NPHP4: variants seen among roughly 807,000 people sequenced by gnomAD.
The protein encoded by NPHP4 is nephrocystin-4.
A neutral mutation model predicts 155.8 loss-of-function variants in NPHP4; 151 were observed. The observed-to-expected ratio is 0.97, with a 90% CI of 0.85 to 1.11. The LOEUF (loss-of-function observed/expected upper bound fraction) is 1.11, where lower values mean the gene tolerates loss of function less well. Ranked by LOEUF, NPHP4 falls within the 50% of genes least tolerant of loss-of-function variation. The pLI is 0.00. For synonymous variants in NPHP4, 845 were observed against 816.8 expected (o/e 1.03, Z -0.59); for missense variants, 1,956 against 1,925.7 (o/e 1.02, Z -0.29).
At chr1:5,893,186 C>T (rs759459388) in intron 16 of NPHP4, among the ~76,000 whole-genome samples, 14 of 152,084 alleles carry the variant, frequency 9.2e-5, no homozygotes, top group Non-Finnish European at 1.6e-4. Context: ...CTCACAGGGT[C>T]GGTGGGTCTC....
chr1:5,873,054 A>G (rs1642169960), intron 23 of NPHP4, among the ~76,000 whole-genome samples, 198 bp downstream of exon 23: 1 of 152,092 alleles, frequency 6.6e-6, no homozygotes, highest in African/African-American at 2.4e-5. Flanking sequence ...ACCAGATACC[A>G]TGCAGGCTGT....
chr1:5,985,860 T>C (rs776821683), intron 2 of NPHP4, among the ~76,000 whole-genome samples: 11 of 152,236 alleles, frequency 7.2e-5, no homozygotes, highest in Non-Finnish European at 1.3e-4. Context: ...TAACCTACTG[T>C]ACATCAGAGC....
intron 3 of NPHP4, among the ~76,000 whole-genome samples, chr1:5,975,008 T>G (rs1218145104): frequency 6.6e-6 from 1 of 152,154 alleles, no homozygotes; most frequent in Non-Finnish European, 1.5e-5. Context: ...CTCTGCCAAG[T>G]CTCAGAATCA....
intron 3 of NPHP4, among the ~76,000 whole-genome samples, chr1:5,975,809 A>G (rs1312259650): frequency 3.3e-5 from 5 of 152,244 alleles, no homozygotes; most frequent in Non-Finnish European, 5.9e-5. Context: ...GTGCATGAAC[A>G]TAATCCCGAG....
chr1:5,914,640 G>A (rs973572276), intron 11 of NPHP4, among the ~76,000 whole-genome samples: 6 of 152,192 alleles, frequency 3.9e-5, no homozygotes, highest in Non-Finnish European at 7.3e-5. Context: ...ACTTTCCCAC[G>A]TCCATAGATT....
In NPHP4 at chr1:5,964,938, TATA is replaced by T. The variant is rs199693251; in HGVS notation, c.517+2358_517+2360del. On this transcript the variant is annotated intron_variant, in intron 5 of 29. Transcript: ENST00000378156. ...TATATTATATATATATATATATATATATATTTTTTTTTTTTGAGGCAGGGTCTC... is the reference window on the plus strand; with the variant it reads ...TATATTATATATATATATATATATATTTTTTTTTTTTTGAGGCAGGGTCTC... 3.1e-4 allele frequency among the ~76,000 whole-genome samples: 13 copies of T among 42,464 alleles called. 1 individual carries two copies. The highest frequency in any genetic ancestry group is 1.6e-3 in the East Asian group (2 of 1,226). The allele number at this position is 42,464 out of a possible 152,430, so 27.9% of individuals were successfully genotyped here.
Position 5,887,338 on chromosome 1 carries a change from G to A in NPHP4, c.2433C>T (p.Ile811=), listed in dbSNP as rs779482394. ...GGCCCTTCACCACCGAGTGGACGCC[G>A]ATGGGCTTGACGCGGCCAAACCCCA... ...DMLGFGRVKP[I]GVHSVVKGRL... Residue 811 remains isoleucine, a synonymous_variant, in exon 18 of 30, where the codon ATC becomes ATT. Transcript: ENST00000378156. 27 of 1,613,452 alleles carry A rather than the reference G, an allele frequency of 1.7e-5. No homozygotes were observed. Among genetic ancestry groups the A allele is most frequent in the Middle Eastern group, 3.3e-4 (2 of 6,084 alleles).
At chr1:5,885,954 G>A (rs192718993) in intron 18 of NPHP4, among the ~76,000 whole-genome samples, 3 of 152,314 alleles carry the variant, frequency 2.0e-5, no homozygotes, top group African/African-American at 7.2e-5. Flanking sequence ...CTCCCAGGCT[G>A]GCTATCTCAG....
Position 5,890,891 on chromosome 1 carries a change from C to A in NPHP4, c.2281G>T (p.Gly761Ter). 1.2e-6 allele frequency: 2 copies of A among 1,610,366 alleles called. No individual in the cohort carries two copies. The highest frequency in any genetic ancestry group is 2.2e-5 in the East Asian group (1 of 44,776). Residue 761 changes from glycine (G) to a stop codon, truncating the protein, a stop_gained, in exon 17 of 30, where the codon GGA (glycine) becomes TGA (stop). Transcript: ENST00000378156. LOFTEE classifies it high-confidence loss of function. This position sits in a 1 kb window ranked among gnomAD's most constrained non-coding sequence, Gnocchi z 4.9. ...ACCTTCATCTGGACGGCAGCAGATC[C>A]GATGAGCAGCAGGGAGTCTCCGTCC... ...VWDGDSLLLIGSAAVQMKHLL... is the reference protein window; with the variant it reads ...VWDGDSLLLI
chr1:5,894,788 T>C (rs1262036701), intron 16 of NPHP4, among the ~76,000 whole-genome samples: 1 of 151,810 alleles, frequency 6.6e-6, no homozygotes, highest in Non-Finnish European at 1.5e-5. Context: ...AACAAAACAA[T>C]AGCAAAACCC....
chr1:5,950,898 C>G (rs1303092084), intron 7 of NPHP4, among the ~76,000 whole-genome samples: 1 of 152,204 alleles, frequency 6.6e-6, no homozygotes, highest in African/African-American at 2.4e-5. Context: ...ATTTATAAAT[C>G]CTGGTGCCCT....
chr1:5,940,440 C>T (rs1646762964), intron 9 of NPHP4, among the ~76,000 whole-genome samples: 2 of 152,260 alleles, frequency 1.3e-5, no homozygotes, highest in Middle Eastern at 6.8e-3. Context: ...GTTACAGCAG[C>T]AGAAAACAGA....
chr1:5,947,217 C>G lies in NPHP4; in HGVS notation c.1006G>C (p.Ala336Pro), dbSNP rs369951224. The G allele has an allele frequency of 2.2e-5, 36 of 1,613,808 alleles. No homozygotes were observed. The East Asian group carries it at 7.1e-4, about 32-fold the overall frequency. Residue 336 changes from alanine to proline, a missense_variant, in exon 9 of 30, where the codon GCT becomes CCT. Transcript: ENST00000378156. ...CGGAGGCGGCTTCTCAAAACCAGAG[C>G]TTGGCTCCCGGAGCTGGGTCAGAAA... ...SSSKTSSGSQ[A>P]LVLRSRLRLP...
chr1:5,967,249 G>C (rs1651687025), intron 5 of NPHP4, 50 bp downstream of exon 5: 2 of 1,416,616 alleles, frequency 1.4e-6, no homozygotes, highest in Non-Finnish European at 2.0e-6. Flanking sequence ...GGAACACTCA[G>C]GGAAGGCACG....
chr1:5,863,676 C>A, intron 29 of NPHP4: 1 of 630,414 alleles, frequency 1.6e-6, no homozygotes, highest in Non-Finnish European at 2.8e-6. Flanking sequence ...CTGGGCACAA[C>A]ACCCTTTCCC....
intron 6 of NPHP4, among the ~76,000 whole-genome samples, chr1:5,960,830 T>C (rs1280834914): frequency 6.6e-6 from 1 of 151,890 alleles, no homozygotes; most frequent in Non-Finnish European, 1.5e-5. Context: ...AGAATCAACT[T>C]CTGAAAACCA....
intron 16 of NPHP4, 97 bp downstream of exon 16, chr1:5,904,520 A>G: frequency 4.2e-6 from 4 of 956,170 alleles, no homozygotes; most frequent in Non-Finnish European, 6.1e-6. Context: ...CATATGTTTT[A>G]AACTTTTCAT....
chr1:5,864,432 C>T lies in NPHP4; in HGVS notation c.3902G>A (p.Arg1301His), dbSNP rs760871475. Reference sequence around the variant, plus strand: ...GTCCACCAGGTTGAGATGGACAAAGCGGCTGCCGGCCCTAAGGGGCCTCAC... The same window carrying T: ...GTCCACCAGGTTGAGATGGACAAAGTGGCTGCCGGCCCTAAGGGGCCTCAC... ...VGVRPLRAGS[R>H]FVHLNLVDVD... The change falls in exon 28 of 30, where the codon CGC becomes CAC. Residue 1301 changes from arginine (R) to histidine (H), a missense_variant. By Grantham distance (29) the Arg-to-His change is conservative. Transcript: ENST00000378156. The T allele has an allele frequency of 5.6e-6, 9 of 1,609,176 alleles. No individual in the cohort carries two copies. The highest frequency in any genetic ancestry group is 3.3e-5 in the South Asian group (3 of 90,200).
At chr1:5,884,305 T>C (rs1643576480) in intron 18 of NPHP4, among the ~76,000 whole-genome samples, 1 of 151,988 alleles carries the variant, frequency 6.6e-6, no homozygotes, top group Non-Finnish European at 1.5e-5. Context: ...TCAGAACCCA[T>C]CACCACCCAG....
Sources: gnomAD v4.1 joint callset for allele counts (sites outside exome capture counted in the v4.1 genomes callset) on GRCh38, gnomAD v4.1.1 for gene constraint, Gnocchi (gnomAD v3.1) non-coding constraint, MANE v1.5 for transcripts, NCBI Gene and HGNC (gene_info 2026-07-23, HGNC 2026-07-21) for gene names.